The following MARK1 variants were observed in gnomAD, a reference collection of about 807,000 sequenced individuals.
MARK1 encodes the protein serine/threonine-protein kinase MARK1.
MARK1 carries 40 observed loss-of-function variants against 96.3 expected under a neutral mutation model. That is an observed-to-expected ratio of 0.42 (90% CI 0.32 to 0.54). The LOEUF (loss-of-function observed/expected upper bound fraction) is 0.54. MARK1 is among the 20% of genes least tolerant of loss of function. The pLI is 0.16. For missense variants in MARK1, 719 were observed against 984.6 expected (o/e 0.73, Z 3.61); for synonymous variants, 317 against 341.2 (o/e 0.93, Z 0.78).
At chr1:220,593,050 A>T (rs1485508306) in intron 3 of MARK1, among the ~76,000 whole-genome samples, 1 of 152,236 alleles carries the variant, frequency 6.6e-6, no homozygotes, top group Non-Finnish European at 1.5e-5. Flanking sequence ...AGCAAGACTG[A>T]TGCCAGGGAC....
At chr1:220,559,702 A>G (rs1009635916) in intron 1 of MARK1, among the ~76,000 whole-genome samples, 2 of 152,218 alleles carry the variant, frequency 1.3e-5, no homozygotes, top group African/African-American at 4.8e-5. Context: ...GGGAGATTTC[A>G]CATAGGCAGA....
At chr1:220,612,049 GTAT>G (rs1260016536) in intron 6 of MARK1, among the ~76,000 whole-genome samples, 2 of 152,144 alleles carry the variant, frequency 1.3e-5, no homozygotes, top group African/African-American at 4.8e-5. Context: ...ATCGTTTTAA[GTAT>G]TATTCATTTA....
intron 5 of MARK1, among the ~76,000 whole-genome samples, chr1:220,602,536 G>A (rs1665815173): frequency 6.6e-6 from 1 of 152,148 alleles, no homozygotes; most frequent in Non-Finnish European, 1.5e-5. Flanking sequence ...GCACTTAAGA[G>A]TAGATCCAAA....
At chr1:220,607,585 T>G (rs1014975776) in intron 6 of MARK1, among the ~76,000 whole-genome samples, 19 of 150,468 alleles carry the variant, frequency 1.3e-4, no homozygotes, top group African/African-American at 4.0e-4. Flanking sequence ...TGAGAGGACA[T>G]CCCTGTCGTG....
intron 1 of MARK1, among the ~76,000 whole-genome samples, chr1:220,578,673 G>C (rs185613857): frequency 6.6e-6 from 1 of 152,276 alleles, no homozygotes; most frequent in East Asian, 1.9e-4. Context: ...CCATGAGGTT[G>C]TCTTGGCAAT....
intron 1 of MARK1, among the ~76,000 whole-genome samples, chr1:220,562,525 TA>T (rs1462459400): frequency 2.6e-5 from 4 of 151,886 alleles, no homozygotes; most frequent in African/African-American, 9.7e-5. Context: ...CCATAATGAG[TA>T]AAGGAATTTG....
intron 2 of MARK1, among the ~76,000 whole-genome samples, chr1:220,580,460 A>G (rs1468124711): frequency 6.6e-6 from 1 of 151,992 alleles, no homozygotes; most frequent in Non-Finnish European, 1.5e-5. Context: ...TCAGCAACAG[A>G]GTGAGATCCT....
chr1:220,607,142 T>A (rs1666128363), intron 6 of MARK1, among the ~76,000 whole-genome samples: 1 of 152,220 alleles, frequency 6.6e-6, no homozygotes, highest in South Asian at 2.1e-4. Context: ...TATTGATTCT[T>A]CCTATCCGTG....
intron 7 of MARK1, among the ~76,000 whole-genome samples, chr1:220,616,796 G>C (rs182759544): frequency 5.9e-5 from 9 of 152,134 alleles, no homozygotes; most frequent in African/African-American, 2.2e-4. Flanking sequence ...CTATTTTAAG[G>C]GGAATCACTT....
intron 3 of MARK1, among the ~76,000 whole-genome samples, chr1:220,592,904 A>G (rs1665093798): frequency 6.6e-6 from 1 of 152,218 alleles, no homozygotes; most frequent in Non-Finnish European, 1.5e-5. Context: ...TGTCTGATAT[A>G]CTGAAATGCT....
chr1:220,598,392 T>C lies in MARK1; in HGVS notation c.358+13T>C, dbSNP rs1293845843. On this transcript the variant is annotated intron_variant, in intron 4 of 17. Transcript: ENST00000366917. Reference sequence around the variant, plus strand: ...CATCCTAATATAGGTATGAAATATATATATATTATATATATATATATATAT... The same window carrying C: ...CATCCTAATATAGGTATGAAATATACATATATTATATATATATATATATAT... 4.3e-6 allele frequency: 1 copy of C among 230,076 alleles called. No individual in the cohort carries two copies. The highest frequency in any genetic ancestry group is 8.4e-6 in the Non-Finnish European group (1 of 118,732). The allele number at this position is 230,076 out of a possible 1,614,324, so 14.3% of individuals were successfully genotyped here.
intron 6 of MARK1, among the ~76,000 whole-genome samples, chr1:220,612,415 T>C (rs1666502841): frequency 6.6e-6 from 1 of 152,196 alleles, no homozygotes. Flanking sequence ...TTCATATTCT[T>C]TACATTGCAG....
chr1:220,614,360 C>T (rs1434754086), intron 6 of MARK1, among the ~76,000 whole-genome samples: 2 of 152,006 alleles, frequency 1.3e-5, no homozygotes, highest in Non-Finnish European at 2.9e-5. Flanking sequence ...CTCCCCATCC[C>T]CAGATCTCCA....
chr1:220,650,340 C>G (rs904379588), intron 13 of MARK1, among the ~76,000 whole-genome samples: 1 of 152,162 alleles, frequency 6.6e-6, no homozygotes, highest in African/African-American at 2.4e-5. Flanking sequence ...CACCAGCTCA[C>G]AAAGGAGGGA....
intron 9 of MARK1, chr1:220,627,542 A>G: frequency 2.9e-6 from 1 of 346,978 alleles, no homozygotes. Flanking sequence ...GTGTATTTAT[A>G]GGAAAGTTTA....
At chr1:220,580,467 T>G (rs1664159602) in intron 2 of MARK1, among the ~76,000 whole-genome samples, 1 of 151,658 alleles carries the variant, frequency 6.6e-6, no homozygotes, top group Non-Finnish European at 1.5e-5. Context: ...CAGAGTGAGA[T>G]CCTGTCTCAA....
At chr1:220,656,252 T>C (rs1669168262) in intron 16 of MARK1, among the ~76,000 whole-genome samples, 1 of 152,194 alleles carries the variant, frequency 6.6e-6, no homozygotes, top group Non-Finnish European at 1.5e-5. Flanking sequence ...TTGAAACAAT[T>C]GCCAAGTAGC....
At chr1:220,590,692 A>T (rs567039163) in intron 3 of MARK1, among the ~76,000 whole-genome samples, 13 of 152,132 alleles carry the variant, frequency 8.5e-5, no homozygotes, top group South Asian at 4.1e-4. Flanking sequence ...CTGGTATTCC[A>T]TTATCCTTAC....
chr1:220,581,930 G>C lies in MARK1; in HGVS notation c.309+812G>C, dbSNP rs975737489. Among the ~76,000 whole-genome samples the C allele has an allele frequency of 2.6e-5, 4 of 152,320 alleles. 1 individual carries two copies. The highest frequency in any genetic ancestry group is 2.4e-5 in the African/African-American group (1 of 41,578). On this transcript the variant is annotated intron_variant, in intron 3 of 17. Transcript: ENST00000366917. ...GCTGTATGTGATAGGTTTGTATAGA[G>C]TGAGAGAATATACATTGTGACTTTT...
Sources: allele counts gnomAD v4.1 joint callset (sites outside exome capture counted in the v4.1 genomes callset), GRCh38; gene constraint gnomAD v4.1.1; transcripts MANE v1.5; gene names NCBI Gene and HGNC (gene_info 2026-07-23, HGNC 2026-07-21).